Variants in IPO11 observed in about 807,000 individuals in gnomAD.
IPO11 encodes the protein importin-11.
Under a neutral mutation model 143.2 loss-of-function variants are expected in IPO11, and 66 were observed. That is an observed-to-expected ratio of 0.46 (90% CI 0.38 to 0.57). IPO11 has a LOEUF of 0.57. Among genes scored for constraint, IPO11 ranks in the 20% least tolerant of loss-of-function variants. The pLI, the probability that IPO11 is intolerant of heterozygous loss-of-function variation, is 0.00. For missense variants in IPO11, 1,026 were observed against 1,141.0 expected (o/e 0.90, Z 1.45); for synonymous variants, 385 against 377.8 (o/e 1.02, Z -0.22).
intron 7 of IPO11, among the ~76,000 whole-genome samples, chr5:62,472,418 T>C (rs959806412): frequency 3.9e-5 from 6 of 152,190 alleles, no homozygotes; most frequent in Non-Finnish European, 8.8e-5. Flanking sequence ...ATAAATCACA[T>C]GTCAACCTTT....
chr5:62,448,935 ATTG>A (rs1457910885), intron 3 of IPO11, among the ~76,000 whole-genome samples: 18 of 152,062 alleles, frequency 1.2e-4, no homozygotes, highest in Admixed American at 1.1e-3. Context: ...CTTTAATGCT[ATTG>A]TTGTTGTGTG....
At chr5:62,514,602 A>AGGGGAG (rs1561343906) in intron 19 of IPO11, among the ~76,000 whole-genome samples, 1 of 60,626 alleles carries the variant, frequency 1.6e-5, no homozygotes, top group African/African-American at 6.5e-5. Context: ...GGAGAGGGAG[A>AGGGGAG]CGGGAGAGGG....
intron 1 of IPO11, 35 bp downstream of exon 1, chr5:62,412,964 G>A (rs1743167885): frequency 6.7e-6 from 1 of 148,830 alleles, no homozygotes; most frequent in South Asian, 2.2e-4. Flanking sequence ...CGAGCGCGCG[G>A]GAGTGGAAGG....
chr5:62,503,471 C>G (rs996838584), intron 16 of IPO11, among the ~76,000 whole-genome samples: 1 of 150,956 alleles, frequency 6.6e-6, no homozygotes, highest in Admixed American at 6.6e-5. Context: ...ATCTATTCCT[C>G]TCCTCCCCAG....
At chr5:62,442,542 A>G (rs1438287200) in intron 2 of IPO11, among the ~76,000 whole-genome samples, 1 of 152,208 alleles carries the variant, frequency 6.6e-6, no homozygotes, top group Non-Finnish European at 1.5e-5. Context: ...ATGTAGTGAT[A>G]GAATATAAAC....
Position 62,483,206 on chromosome 5 carries a change from A to G in IPO11, c.934A>G (p.Thr312Ala). ...YVFTEVGEGV[T>A]FERFIVQCMN... ...TTTTACAGAAGTTGGTGAAGGCGTT[A>G]CATTTGAACGATTCATTGTCCAATG... Residue 312 changes from threonine to alanine, a missense_variant, in exon 10 of 30, where the codon ACA becomes GCA. Physicochemically the swap from Thr to Ala is moderately conservative, Grantham distance 58. Transcript: ENST00000325324. 3.7e-6 allele frequency: 6 copies of G among 1,611,154 alleles called. No homozygotes were observed. Among genetic ancestry groups the G allele is most frequent in the Middle Eastern group, 1.7e-4 (1 of 6,034 alleles).
chr5:62,451,666 T>C (rs1032349353), intron 4 of IPO11, 64 bp from the exon 5 acceptor site: 4 of 1,186,104 alleles, frequency 3.4e-6, no homozygotes, highest in Non-Finnish European at 5.0e-6. Context: ...CAAGGTGATT[T>C]GTCACCGTGA....
At chr5:62,579,844 A>ATACAGT in intron 27 of IPO11, 1 of 1,548,178 alleles carries the variant, frequency 6.5e-7, no homozygotes, top group South Asian at 1.2e-5. Context: ...AAATCTTCGT[A>ATACAGT]ATTTATATTT....
intron 28 of IPO11, among the ~76,000 whole-genome samples, chr5:62,592,567 C>T (rs1745064189): frequency 6.6e-6 from 1 of 152,024 alleles, no homozygotes. Flanking sequence ...GGGTTTATGG[C>T]TGTATTAGTC....
Position 62,437,674 on chromosome 5 carries a change from G to A in IPO11, c.138+257G>A, listed in dbSNP as rs146711759. On this transcript the variant is annotated intron_variant, in intron 2 of 29. Coordinates refer to ENST00000325324, the MANE Select transcript of IPO11 (RefSeq NM_016338.5). ...CTGTGATGATTTTCAGTTTTAGTAC[G>A]TTAAAAGTGTCTACTATCAGGACTC... Among the ~76,000 whole-genome samples, 293 of 152,210 alleles carry A rather than the reference G, an allele frequency of 1.9e-3. 1 individual carries two copies. The highest frequency in any genetic ancestry group is 6.8e-3 in the Middle Eastern group (2 of 294).
intron 16 of IPO11, among the ~76,000 whole-genome samples, chr5:62,499,569 C>CTTTTTTTTTT (rs35545041): frequency 2.0e-5 from 2 of 100,104 alleles, no homozygotes; most frequent in Non-Finnish European, 3.8e-5. Flanking sequence ...CTTACTCTAA[C>CTTTTTTTTTT]TTTTTTTTTT....
intron 5 of IPO11, 95 bp from the exon 6 acceptor site, chr5:62,467,036 T>C (rs1745596595): frequency 8.9e-7 from 1 of 1,125,544 alleles, no homozygotes; most frequent in African/African-American, 1.6e-5. Context: ...AAATGTGTGC[T>C]TAGTTGTAAA....
chr5:62,540,955 G>C (rs1231053396), intron 24 of IPO11, among the ~76,000 whole-genome samples: 1 of 152,108 alleles, frequency 6.6e-6, no homozygotes, highest in East Asian at 1.9e-4. Flanking sequence ...CCATTTATTT[G>C]AAATAAATAC....
intron 28 of IPO11, among the ~76,000 whole-genome samples, chr5:62,595,363 G>A (rs1237907611): frequency 6.6e-6 from 1 of 152,140 alleles, no homozygotes; most frequent in East Asian, 1.9e-4. Flanking sequence ...AGGATTGAAA[G>A]GTGTTTACAG....
chr5:62,551,369 C>A (rs928859546), intron 26 of IPO11, 33 bp downstream of exon 26: 1 of 1,115,846 alleles, frequency 9.0e-7, no homozygotes, highest in African/African-American at 1.6e-5. Context: ...TTAAGGAAGT[C>A]TTTATCTAAA....
intron 5 of IPO11, among the ~76,000 whole-genome samples, chr5:62,455,752 G>T (rs1463565749): frequency 6.6e-6 from 1 of 151,914 alleles, no homozygotes; most frequent in East Asian, 1.9e-4. Flanking sequence ...GACACAAAAA[G>T]GAATTCTTTT....
chr5:62,489,943 G>A (rs1321206678), intron 14 of IPO11, among the ~76,000 whole-genome samples, 172 bp from the exon 15 acceptor site: 1 of 152,124 alleles, frequency 6.6e-6, no homozygotes, highest in African/African-American at 2.4e-5. Flanking sequence ...AAAACATGAA[G>A]TAAAATAGTG....
chr5:62,531,084 TACTCAATGTTTA>T (rs1448759165), intron 22 of IPO11, among the ~76,000 whole-genome samples: 3 of 152,200 alleles, frequency 2.0e-5, no homozygotes, highest in African/African-American at 7.2e-5. Flanking sequence ...TGTCCTTGAG[TACTCAATGTTTA>T]GCTTCCATTT....
chr5:62,507,703 A>G (rs1741599075), intron 19 of IPO11, among the ~76,000 whole-genome samples: 1 of 152,188 alleles, frequency 6.6e-6, no homozygotes, highest in Non-Finnish European at 1.5e-5. Flanking sequence ...GGCAGATGGA[A>G]ATTTCTTAGA....
Sources: gnomAD v4.1 joint callset for allele counts (sites outside exome capture counted in the v4.1 genomes callset) on GRCh38, gnomAD v4.1.1 for gene constraint, MANE v1.5 for transcripts, NCBI Gene and HGNC (gene_info 2026-07-23, HGNC 2026-07-21) for gene names.